Variants in OR9Q1 observed in about 807,000 individuals in gnomAD.
OR9Q1 encodes the protein olfactory receptor 9Q1.
For missense variants in OR9Q1, 374 were observed against 378.8 expected (o/e 0.99, Z 0.11); for synonymous variants, 153 against 148.6 (o/e 1.03, Z -0.22).
chr11:58,083,427 G>GT (rs140147403), intron 2 of OR9Q1, among the ~76,000 whole-genome samples: 7,911 of 152,044 alleles, frequency 0.052, 257 homozygotes, highest in African/African-American at 0.092. Context: ...TGTTTACTGT[G>GT]TAGATAGTTT....
chr11:58,031,654 A>G, intron 1 of OR9Q1: 2 of 1,613,930 alleles, frequency 1.2e-6, no homozygotes, highest in Non-Finnish European at 1.7e-6. Flanking sequence ...ACATCCGCTC[A>G]GCTGCTGAGC....
intron 2 of OR9Q1, among the ~76,000 whole-genome samples, chr11:58,160,236 G>T (rs989423986): frequency 6.6e-6 from 1 of 152,186 alleles, no homozygotes; most frequent in African/African-American, 2.4e-5. Context: ...GGATATTTCA[G>T]TTGAGGCCTT....
At position 58,180,263 on chromosome 11, in the gene OR9Q1, G is replaced by A; in HGVS notation, c.819G>A (p.Val273=). 1 of 1,613,966 alleles carries A rather than the reference G, an allele frequency of 6.2e-7. No homozygotes were observed. The highest frequency in any genetic ancestry group is 8.5e-7 in the Non-Finnish European group (1 of 1,179,848). Residue 273 remains valine, a synonymous_variant, in exon 3 of 3, where the codon GTG becomes GTA. Coordinates refer to ENST00000335397, the MANE Select transcript of OR9Q1 (RefSeq NM_001005212.4). ...SDQSSEKNRV[V]SVLYTEVIPM... is the part of the protein sequence containing the mutation. Reference sequence around the variant, plus strand: ...AGTCTTCGGAGAAGAATCGGGTAGTGTCTGTGCTTTACACAGAGGTCATCC... The same window carrying A: ...AGTCTTCGGAGAAGAATCGGGTAGTATCTGTGCTTTACACAGAGGTCATCC...
chr11:58,054,325 A>T (rs1050665166), intron 1 of OR9Q1, among the ~76,000 whole-genome samples: 6 of 152,092 alleles, frequency 3.9e-5, no homozygotes, highest in Non-Finnish European at 4.4e-5. Context: ...TTAAGAAGAC[A>T]TTTGAGGTTC....
rs994472821 is a variant in OR9Q1, at chr11:58,165,980, C to G, written c.-14-13451C>G. On this transcript the variant is annotated intron_variant, in intron 2 of 2. Transcript: ENST00000335397. ...GTTTCTCTACATTTACAAATTTCTT[C>G]TCCGATGTCTTTCAGCTTGCAGGAA... Among the ~76,000 whole-genome samples the G allele has an allele frequency of 2.0e-5, 3 of 152,224 alleles. No individual in the cohort carries two copies. The East Asian group carries it at 5.8e-4, about 29-fold the overall frequency.
chr11:58,081,988 G>T (rs1853592090), intron 2 of OR9Q1, among the ~76,000 whole-genome samples: 1 of 151,942 alleles, frequency 6.6e-6, no homozygotes, highest in Non-Finnish European at 1.5e-5. Flanking sequence ...CTTCATTTAT[G>T]CAGCCAAAAG....
At chr11:58,104,286 G>T (rs916471293) in intron 2 of OR9Q1, among the ~76,000 whole-genome samples, 3 of 151,476 alleles carry the variant, frequency 2.0e-5, no homozygotes, top group Non-Finnish European at 4.4e-5. Flanking sequence ...AAAGAAAGAA[G>T]CCCATGGATA....
chr11:58,034,776 TCCCTCCCTCCTTTCTC>T (rs1476732203), intron 1 of OR9Q1, among the ~76,000 whole-genome samples: 27 of 124,408 alleles, frequency 2.2e-4, no homozygotes, highest in East Asian at 9.3e-4. Flanking sequence ...CCTTCTTCCT[TCCCTCCCTCCTTTCTC>T]CCTTCCTTCC....
intron 1 of OR9Q1, among the ~76,000 whole-genome samples, chr11:58,034,106 G>A (rs548085374): frequency 1.1e-4 from 13 of 117,702 alleles, no homozygotes; most frequent in Non-Finnish European, 1.8e-4. Context: ...TTTTTAGACA[G>A]AGTCTTGCTC....
intron 2 of OR9Q1, among the ~76,000 whole-genome samples, chr11:58,148,426 A>G (rs1469157807): frequency 1.3e-5 from 2 of 152,192 alleles, no homozygotes; most frequent in East Asian, 3.8e-4. Flanking sequence ...ATGAAGATCA[A>G]TACAAGATGG....
At chr11:58,087,001 A>C (rs1156935344) in intron 2 of OR9Q1, among the ~76,000 whole-genome samples, 3 of 151,784 alleles carry the variant, frequency 2.0e-5, no homozygotes, top group Non-Finnish European at 2.9e-5. Context: ...ATAGATTTTA[A>C]ATTTCACCAC....
At chr11:58,048,095 C>T (rs1178597797) in intron 1 of OR9Q1, among the ~76,000 whole-genome samples, 2 of 152,174 alleles carry the variant, frequency 1.3e-5, no homozygotes, top group Non-Finnish European at 2.9e-5. Flanking sequence ...CCTAAGACTG[C>T]TTCACAGATA....
At chr11:58,090,862 T>G (rs565026468) in intron 2 of OR9Q1, among the ~76,000 whole-genome samples, 1 of 152,334 alleles carries the variant, frequency 6.6e-6, no homozygotes, top group Non-Finnish European at 1.5e-5. Flanking sequence ...CTTTCTGGTT[T>G]AGTCTTTGGA....
At chr11:58,104,794 C>A (rs748597406) in intron 2 of OR9Q1, among the ~76,000 whole-genome samples, 2 of 152,146 alleles carry the variant, frequency 1.3e-5, no homozygotes, top group Non-Finnish European at 2.9e-5. Context: ...GAGGAGATTG[C>A]ATGTTCCGGA....
At chr11:58,028,635 T>C (rs1852998538) in intron 1 of OR9Q1, among the ~76,000 whole-genome samples, 1 of 152,092 alleles carries the variant, frequency 6.6e-6, no homozygotes, top group Non-Finnish European at 1.5e-5. Context: ...GGCTGCTACA[T>C]TGTAAGTGAG....
intron 2 of OR9Q1, among the ~76,000 whole-genome samples, chr11:58,159,987 T>C (rs1854442883): frequency 6.6e-6 from 1 of 152,232 alleles, no homozygotes; most frequent in Admixed American, 6.5e-5. Flanking sequence ...GAAATGATGC[T>C]CTGTGACTGC....
chr11:58,149,863 TTGG>T (rs1310083323), intron 2 of OR9Q1, among the ~76,000 whole-genome samples: 2 of 152,224 alleles, frequency 1.3e-5, no homozygotes, highest in African/African-American at 4.8e-5. Context: ...TGTTAATCTG[TTGG>T]TGGACACTTG....
At chr11:58,108,262 C>A (rs952751797) in intron 2 of OR9Q1, among the ~76,000 whole-genome samples, 2 of 152,100 alleles carry the variant, frequency 1.3e-5, no homozygotes, top group African/African-American at 4.8e-5. Context: ...CCACAAAAAA[C>A]CCTTATTCTC....
chr11:58,028,304 T>C (rs544090724), intron 1 of OR9Q1, among the ~76,000 whole-genome samples: 2 of 152,276 alleles, frequency 1.3e-5, no homozygotes, highest in South Asian at 4.1e-4. Context: ...TTGACCTGCA[T>C]ACAAGTTTGG....
Sources: gnomAD v4.1 joint callset for allele counts (sites outside exome capture counted in the v4.1 genomes callset) on GRCh38, gnomAD v4.1.1 for gene constraint, MANE v1.5 for transcripts, NCBI Gene and HGNC (gene_info 2026-07-23, HGNC 2026-07-21) for gene names.